ELP3: variants seen among roughly 807,000 people sequenced by gnomAD.
ELP3 encodes the protein elongator complex protein 3.
A neutral mutation model predicts 74.9 loss-of-function variants in ELP3; 56 were observed. The ratio of observed to expected loss-of-function variants is 0.75; its 90% CI spans 0.60 to 0.93. The LOEUF (loss-of-function observed/expected upper bound fraction) is 0.93, where lower values mean the gene tolerates loss of function less well. ELP3 is among the 40% of genes least tolerant of loss of function. ELP3 has a pLI of 0.00. For synonymous variants in ELP3, 222 were observed against 239.8 expected (o/e 0.93, Z 0.68); for missense variants, 573 against 686.5 (o/e 0.83, Z 1.85).
chr8:28,122,561 A>AT (rs1812415514), intron 7 of ELP3, among the ~76,000 whole-genome samples: 1 of 152,094 alleles, frequency 6.6e-6, no homozygotes, highest in African/African-American at 2.4e-5. Context: ...TGTTTCATTC[A>AT]TTTTGTCAAA....
intron 14 of ELP3, among the ~76,000 whole-genome samples, chr8:28,178,805 G>A (rs1814870928): frequency 6.6e-6 from 1 of 152,172 alleles, no homozygotes; most frequent in Non-Finnish European, 1.5e-5. Flanking sequence ...TGATGAATAT[G>A]AGTGGCATTT....
intron 7 of ELP3, among the ~76,000 whole-genome samples, chr8:28,118,391 A>G (rs1433544377): frequency 1.3e-5 from 2 of 152,240 alleles, no homozygotes; most frequent in Non-Finnish European, 2.9e-5. Context: ...TATTTATGGC[A>G]AGCTAGTAGC....
At chr8:28,154,367 A>G (rs1342557255) in intron 10 of ELP3, among the ~76,000 whole-genome samples, 2 of 152,206 alleles carry the variant, frequency 1.3e-5, no homozygotes, top group African/African-American at 4.8e-5. Flanking sequence ...GAATAACAAG[A>G]ATTAAATGTA....
chr8:28,099,714 T>G, intron 2 of ELP3, 114 bp from the exon 3 acceptor site: 1 of 1,136,936 alleles, frequency 8.8e-7, no homozygotes, highest in Non-Finnish European at 1.3e-6. Context: ...CCTTGTCACG[T>G]GGTGAAGGGA....
intron 3 of ELP3, among the ~76,000 whole-genome samples, chr8:28,105,438 T>C (rs75148761): frequency 6.6e-6 from 1 of 152,210 alleles, no homozygotes; most frequent in African/African-American, 2.4e-5. Flanking sequence ...AGACTTTCTT[T>C]GCTCCAGCCC....
intron 2 of ELP3, among the ~76,000 whole-genome samples, chr8:28,098,050 C>T (rs569086190): frequency 8.5e-5 from 13 of 152,266 alleles, no homozygotes; most frequent in African/African-American, 3.1e-4. Context: ...AGCTTTCTGT[C>T]AGGAAAACCC....
chr8:28,136,887 T>A (rs1813010862), intron 9 of ELP3, among the ~76,000 whole-genome samples: 1 of 152,216 alleles, frequency 6.6e-6, no homozygotes, highest in African/African-American at 2.4e-5. Flanking sequence ...GGAGAATGCC[T>A]GGTGTCTCAT....
At chr8:28,133,268 CATT>C (rs933057221) in intron 9 of ELP3, among the ~76,000 whole-genome samples, 2 of 152,044 alleles carry the variant, frequency 1.3e-5, no homozygotes, top group African/African-American at 4.8e-5. Context: ...TCCTCTGACT[CATT>C]ATTCTATTGA....
chr8:28,187,427 T>A (rs1815283906), intron 14 of ELP3, among the ~76,000 whole-genome samples: 1 of 152,234 alleles, frequency 6.6e-6, no homozygotes, highest in African/African-American at 2.4e-5. Flanking sequence ...GCCTTCATTC[T>A]GTTCTCAAAA....
In ELP3 at chr8:28,110,558, A is replaced by T; in HGVS notation, c.462+120A>T. The T allele has an allele frequency of 1.0e-5, 9 of 870,476 alleles. No homozygotes were observed. In the South Asian group the frequency reaches 1.6e-4, roughly 15 times the overall value. The allele number at this position is 870,476 out of a possible 1,614,324, so 53.9% of individuals were successfully genotyped here. ...TGAAAAAGGTGTTTTTCCTCTTTGT[A>T]AGTTTTCAATATCCATTTGAGGGAG... On this transcript the variant is annotated intron_variant, in intron 6 of 14. Transcript: ENST00000256398.
chr8:28,102,154 T>C (rs1332112362), intron 3 of ELP3, among the ~76,000 whole-genome samples: 1 of 152,200 alleles, frequency 6.6e-6, no homozygotes, highest in Non-Finnish European at 1.5e-5. Context: ...ATTTTAGTAT[T>C]GATGTATGCT....
chr8:28,093,070 C>A, upstream of ELP3: 1 of 1,361,278 alleles, frequency 7.3e-7, no homozygotes, highest in Non-Finnish European at 1.0e-6. Context: ...TGGCTTTGTG[C>A]ACGTCGGCTT....
At chr8:28,180,677 C>G (rs1490270718) in intron 14 of ELP3, among the ~76,000 whole-genome samples, 1 of 152,138 alleles carries the variant, frequency 6.6e-6, no homozygotes, top group East Asian at 1.9e-4. Flanking sequence ...GTGATGCTAG[C>G]TTCCTCCAAG....
At chr8:28,093,014 T>C (rs974074287), upstream of ELP3, 6 of 826,640 alleles carry the variant, frequency 7.3e-6, no homozygotes, top group Admixed American at 2.1e-5. Flanking sequence ...CCTAGGGGCC[T>C]CACGGGCCGC....
intron 4 of ELP3, 68 bp from the exon 5 acceptor site, chr8:28,107,845 A>T (rs1437217090): frequency 2.4e-6 from 3 of 1,252,246 alleles, no homozygotes; most frequent in Middle Eastern, 1.9e-4. Context: ...GAGATGGTAG[A>T]TGCTTGGAAC....
intron 14 of ELP3, among the ~76,000 whole-genome samples, chr8:28,166,746 A>G (rs62500881): frequency 6.6e-6 from 1 of 152,218 alleles, no homozygotes; most frequent in Non-Finnish European, 1.5e-5. Flanking sequence ...TACCATTTCC[A>G]AAAGGGCAAA....
chr8:28,107,170 C>CCTGGGAGGTGGAGGTTGCAGTGAG (rs1811730969), intron 4 of ELP3, among the ~76,000 whole-genome samples: 1 of 152,150 alleles, frequency 6.6e-6, no homozygotes, highest in Non-Finnish European at 1.5e-5. Flanking sequence ...ATCGTTTAAA[C>CCTGGGAGGTGGAGGTTGCAGTGAG]CTGGGAGGTG....
intron 14 of ELP3, among the ~76,000 whole-genome samples, chr8:28,165,570 G>A (rs965967589): frequency 6.6e-5 from 10 of 152,202 alleles, no homozygotes; most frequent in African/African-American, 2.4e-4. Context: ...GGCATAACTA[G>A]TAAGCTTGAG....
chr8:28,171,176 A>G (rs1007530826), intron 14 of ELP3, among the ~76,000 whole-genome samples: 4 of 152,044 alleles, frequency 2.6e-5, no homozygotes, highest in African/African-American at 9.7e-5. Context: ...TTCTGCTTTC[A>G]TTTCTTTTGC....
Sources: allele counts gnomAD v4.1 joint callset (sites outside exome capture counted in the v4.1 genomes callset), GRCh38; gene constraint gnomAD v4.1.1; transcripts MANE v1.5; gene names NCBI Gene and HGNC (gene_info 2026-07-23, HGNC 2026-07-21).